TMEM132E: variants seen among roughly 807,000 people sequenced by gnomAD.
The protein encoded by TMEM132E is transmembrane protein 132E.
TMEM132E carries 49 observed loss-of-function variants against 78.5 expected under a neutral mutation model. The observed-to-expected ratio is 0.62, with a 90% CI of 0.50 to 0.79. The LOEUF is 0.79. Among genes scored for constraint, TMEM132E ranks in the 30% least tolerant of loss-of-function variants. The pLI is 0.00. For synonymous variants in TMEM132E, 715 were observed against 670.6 expected, an observed-to-expected ratio of 1.07 and a Z score of -1.02; for missense variants, 1,403 against 1,470.9, an observed-to-expected ratio of 0.95 and a Z score of 0.75.
At chr17:34,600,276 G>A (rs975966668) in intron 1 of TMEM132E, among the ~76,000 whole-genome samples, 1 of 152,168 alleles carries the variant, frequency 6.6e-6, no homozygotes, top group Admixed American at 6.5e-5. Context: ...ACCTGGAAAC[G>A]TAACTACTGA....
chr17:34,580,788 G>T lies in TMEM132E; in HGVS notation c.-289G>T, dbSNP rs1433619237. ...GCGGCCACCGGGCTCCGGACTGCAC[G>T]TGCAGCTCCCCCCGCGCCTCGCAGA... On this transcript the variant is annotated 5_prime_UTR_variant, in exon 1 of 9. Transcript: ENST00000631683. 5 of 370,708 alleles carry T rather than the reference G, an allele frequency of 1.3e-5. No homozygotes were observed. The highest frequency in any genetic ancestry group is 1.2e-4 in the South Asian group (2 of 16,106). 23.0% of individuals were successfully genotyped at this position (370,708 alleles called of 1,614,324 possible).
rs760532704 is a variant in TMEM132E at position 34,629,070 on chromosome 17, A to G, written c.1204A>G (p.Ser402Gly). Residue 402 changes from serine to glycine, a missense_variant, in exon 4 of 9, where the codon AGC (serine) becomes GGC (glycine). Coordinates refer to ENST00000631683, the MANE Select transcript of TMEM132E (RefSeq NM_001304438.2). Reference protein sequence around the residue: ...QLDFEMENFTSQSVKRRIMWH... With the variant: ...QLDFEMENFTGQSVKRRIMWH... The stretch of plus-strand genomic sequence containing the variant: ...GGACTTTGAAATGGAGAACTTCACC[A>G]GCCAGTCAGTCAAGCGGAGGATCAT... The G allele has an allele frequency of 2.5e-6, 4 of 1,601,904 alleles. No homozygotes were observed. The highest frequency in any genetic ancestry group is 3.4e-6 in the Non-Finnish European group (4 of 1,171,898).
intron 1 of TMEM132E, among the ~76,000 whole-genome samples, chr17:34,594,255 G>T (rs1209033513): frequency 1.3e-5 from 2 of 152,202 alleles, no homozygotes; most frequent in Non-Finnish European, 2.9e-5. Context: ...ATGAATGAAT[G>T]AACCTGGGAG....
chr17:34,582,202 A>G (rs1905513704), intron 1 of TMEM132E, among the ~76,000 whole-genome samples: 1 of 151,644 alleles, frequency 6.6e-6, no homozygotes, highest in African/African-American at 2.4e-5. Context: ...GGTGAGCCTC[A>G]GGCAGAATGG....
intron 1 of TMEM132E, among the ~76,000 whole-genome samples, chr17:34,625,096 C>T (rs1203019484): frequency 6.6e-6 from 1 of 152,144 alleles, no homozygotes; most frequent in East Asian, 1.9e-4. Flanking sequence ...AAAAAATACT[C>T]TGGCTACTGT....
chr17:34,613,213 G>A (rs187259273), intron 1 of TMEM132E, among the ~76,000 whole-genome samples: 12,973 of 94,102 alleles, frequency 0.14, 739 homozygotes, highest in Middle Eastern at 0.18. Context: ...ACACACACAC[G>A]CGCGCGCGCG....
rs752340974 is a variant in TMEM132E, at chr17:34,638,242, C to T, written c.*10C>T. On this transcript the variant is annotated 3_prime_UTR_variant, in exon 9 of 9. Coordinates refer to ENST00000631683, the MANE Select transcript of TMEM132E (RefSeq NM_001304438.2). ...CAAAGAGATTGCATAGAGGCGCCAGCCGGAGTAGCAGGGACCCCCCCCCCC... is the reference window on the plus strand; with the variant it reads ...CAAAGAGATTGCATAGAGGCGCCAGTCGGAGTAGCAGGGACCCCCCCCCCC... 4 of 1,523,240 alleles carry T rather than the reference C, an allele frequency of 2.6e-6. No individual in the cohort carries two copies. Among genetic ancestry groups the T allele is most frequent in the Admixed American group, 4.0e-5 (2 of 49,464 alleles). The allele number at this position is 1,523,240 out of a possible 1,614,324, so 94.4% of individuals were successfully genotyped here.
chr17:34,614,452 A>G (rs1451219530), intron 1 of TMEM132E: 1 of 152,200 alleles, frequency 6.6e-6, no homozygotes, highest in Non-Finnish European at 1.5e-5. Context: ...TCAGAAATAA[A>G]AGAGCTGTTC....
At chr17:34,595,977 G>T (rs1906044135) in intron 1 of TMEM132E, among the ~76,000 whole-genome samples, 1 of 151,946 alleles carries the variant, frequency 6.6e-6, no homozygotes, top group Admixed American at 6.6e-5. Flanking sequence ...TGTGTGACTG[G>T]TTTTCTTATT....
chr17:34,621,696 C>T (rs1191884537), intron 1 of TMEM132E, among the ~76,000 whole-genome samples: 1 of 152,144 alleles, frequency 6.6e-6, no homozygotes, highest in East Asian at 1.9e-4. Flanking sequence ...GTCTGCAGGG[C>T]AAGCTGGGGT....
intron 1 of TMEM132E, among the ~76,000 whole-genome samples, chr17:34,616,555 G>A (rs1173655106): frequency 6.6e-6 from 1 of 152,226 alleles, no homozygotes; most frequent in African/African-American, 2.4e-5. Context: ...GAGGCACTCA[G>A]TGTTGGGAAT....
At chr17:34,588,102 C>T (rs1340199233) in intron 1 of TMEM132E, among the ~76,000 whole-genome samples, 1 of 152,216 alleles carries the variant, frequency 6.6e-6, no homozygotes, top group African/African-American at 2.4e-5. Flanking sequence ...CTCCATGCTT[C>T]TTTCAGTCCC....
intron 1 of TMEM132E, among the ~76,000 whole-genome samples, chr17:34,616,612 C>G (rs1301012986): frequency 2.6e-5 from 4 of 152,308 alleles, no homozygotes; most frequent in South Asian, 2.1e-4. Context: ...GAGGGAGACA[C>G]TAGCCTGTGC....
intron 1 of TMEM132E, among the ~76,000 whole-genome samples, chr17:34,621,693 G>A (rs1381327910): frequency 9.2e-5 from 14 of 152,174 alleles, no homozygotes; most frequent in Admixed American, 9.2e-4. Flanking sequence ...CTGGTCTGCA[G>A]GGCAAGCTGG....
chr17:34,621,938 C>T (rs1472759827), intron 1 of TMEM132E, among the ~76,000 whole-genome samples: 2 of 152,168 alleles, frequency 1.3e-5, no homozygotes, highest in Admixed American at 1.3e-4. Context: ...TTCTCTCCCA[C>T]CTCCAGTCCT....
At chr17:34,607,856 C>A (rs1056494091) in intron 1 of TMEM132E, among the ~76,000 whole-genome samples, 10 of 152,070 alleles carry the variant, frequency 6.6e-5, no homozygotes, top group African/African-American at 2.2e-4. Flanking sequence ...AGTGCAGGAG[C>A]TTCTGTCCCC....
In TMEM132E at chr17:34,580,739, C is replaced by T. The variant is rs1905437520; in HGVS notation, c.-338C>T. 1 of 275,764 alleles carries T rather than the reference C, an allele frequency of 3.6e-6. No homozygotes were observed. The highest frequency in any genetic ancestry group is 6.8e-6 in the Non-Finnish European group (1 of 146,530). The allele number at this position is 275,764 out of a possible 1,614,324, so 17.1% of individuals were successfully genotyped here. ...TGAGGCCGGGAGATTCAGCACTGGG[C>T]TCTAGGTAGCCCCCGGGACGCCCGC... On this transcript the variant is annotated 5_prime_UTR_variant, in exon 1 of 9. Coordinates refer to ENST00000631683, the MANE Select transcript of TMEM132E (RefSeq NM_001304438.2).
intron 1 of TMEM132E, among the ~76,000 whole-genome samples, chr17:34,598,355 CAGTCCCATCAGAG>C (rs1219721303): frequency 1.3e-5 from 2 of 152,124 alleles, no homozygotes; most frequent in Non-Finnish European, 2.9e-5. Flanking sequence ...GTGGGGGAGA[CAGTCCCATCAGAG>C]AGTCCCATCA....
At chr17:34,584,365 C>G (rs934283082) in intron 1 of TMEM132E, among the ~76,000 whole-genome samples, 1 of 152,212 alleles carries the variant, frequency 6.6e-6, no homozygotes, top group African/African-American at 2.4e-5. Flanking sequence ...AGGGAGCCTC[C>G]GTAGATTACC....
Sources: allele counts gnomAD v4.1 joint callset (sites outside exome capture counted in the v4.1 genomes callset), GRCh38; gene constraint gnomAD v4.1.1; transcripts MANE v1.5; gene names NCBI Gene and HGNC (gene_info 2026-07-23, HGNC 2026-07-21).